AMN1: variants seen among roughly 807,000 people sequenced by gnomAD.
The protein encoded by AMN1 is protein AMN1 homolog.
AMN1 carries 20 observed loss-of-function variants against 33.0 expected under a neutral mutation model. The ratio of observed to expected loss-of-function variants is 0.61; its 90% CI spans 0.43 to 0.88. The LOEUF is 0.88. AMN1 is among the 40% of genes least tolerant of loss of function. The pLI is 0.00. For synonymous variants in AMN1, 114 were observed against 111.9 expected, an observed-to-expected ratio of 1.02 and a Z score of -0.12; for missense variants, 246 against 307.4, an observed-to-expected ratio of 0.80 and a Z score of 1.49.
chr12:31,717,177 C>G (rs1053729114), intron 1 of AMN1, among the ~76,000 whole-genome samples: 1 of 152,158 alleles, frequency 6.6e-6, no homozygotes, highest in African/African-American at 2.4e-5. Flanking sequence ...CATCATTCAG[C>G]TCCACTTATG....
chr12:31,678,202 C>T (rs970970760), intron 6 of AMN1, among the ~76,000 whole-genome samples: 6 of 152,088 alleles, frequency 3.9e-5, no homozygotes, highest in Non-Finnish European at 5.9e-5. Context: ...CCTCCCTTTT[C>T]GTATAGGACT....
In AMN1 at chr12:31,710,551, TACACAC is replaced by T. The variant is rs112841301; in HGVS notation, c.39-1132_39-1127del. Among the ~76,000 whole-genome samples the T allele has an allele frequency of 7.0e-3, 1,029 of 147,510 alleles. 12 individuals carry two copies. The highest frequency in any genetic ancestry group is 0.022 in the African/African-American group (899 of 40,128). On this transcript the variant is annotated intron_variant, in intron 1 of 6. Transcript: ENST00000281471. Reference sequence around the variant, plus strand: ...TCTTTCTTATTTTTCTCTGTTCTTGTACACACACACACACACACACACACACACACA... The same window carrying T: ...TCTTTCTTATTTTTCTCTGTTCTTGTACACACACACACACACACACACACA...
intron 1 of AMN1, among the ~76,000 whole-genome samples, chr12:31,721,779 A>G (rs529976854): frequency 6.6e-6 from 1 of 152,232 alleles, no homozygotes; most frequent in Admixed American, 6.5e-5. Context: ...TAGGACTGTG[A>G]ACTGTGAAAA....
intron 6 of AMN1, among the ~76,000 whole-genome samples, chr12:31,674,205 G>C (rs1951338088): frequency 6.6e-6 from 1 of 151,910 alleles, no homozygotes; most frequent in Non-Finnish European, 1.5e-5. Flanking sequence ...TCAGGAGTTT[G>C]AGACCAGCCT....
At chr12:31,691,805 T>C (rs576202851) in intron 5 of AMN1, among the ~76,000 whole-genome samples, 2 of 152,314 alleles carry the variant, frequency 1.3e-5, no homozygotes, top group East Asian at 1.9e-4. Context: ...TTTAGGATAG[T>C]GGTTACTTCT....
chr12:31,681,853 T>A (rs1592148637), intron 6 of AMN1, among the ~76,000 whole-genome samples: 1 of 152,272 alleles, frequency 6.6e-6, no homozygotes, highest in South Asian at 2.1e-4. Context: ...TTAAAACAAT[T>A]TTTTATAGAA....
intron 6 of AMN1, among the ~76,000 whole-genome samples, chr12:31,688,181 C>T (rs11051534): frequency 0.062 from 9,410 of 152,186 alleles, 561 homozygotes; most frequent in East Asian, 0.28. Flanking sequence ...CTCGAACTCC[C>T]AACCTCAGGT....
chr12:31,672,271 G>A lies in AMN1; in HGVS notation c.*33C>T, dbSNP rs1253575409. On this transcript the variant is annotated 3_prime_UTR_variant, in exon 7 of 7. Transcript: ENST00000281471. ...TTTCCTGGGAAAGTAGTTTTGATAA[G>A]CTTTCCTAGCATTGATCATCTTCAA... 16 of 1,487,080 alleles carry A rather than the reference G, an allele frequency of 1.1e-5. No individual in the cohort carries two copies. The highest frequency in any genetic ancestry group is 1.4e-5 in the Non-Finnish European group (15 of 1,086,486). The allele number at this position is 1,487,080 out of a possible 1,614,324, so 92.1% of individuals were successfully genotyped here.
chr12:31,678,711 T>G (rs1009612908), intron 6 of AMN1, among the ~76,000 whole-genome samples: 2 of 152,180 alleles, frequency 1.3e-5, no homozygotes, highest in African/African-American at 4.8e-5. Flanking sequence ...GAATACAAAC[T>G]TTTAACAAAG....
intron 2 of AMN1, among the ~76,000 whole-genome samples, chr12:31,703,444 CCCTTCCT>C (rs1939093558): frequency 1.3e-5 from 2 of 152,280 alleles, no homozygotes; most frequent in South Asian, 2.1e-4. Flanking sequence ...ATCCTTGCTT[CCCTTCCT>C]CCTTCCTCCC....
At chr12:31,682,936 G>A (rs1008602297) in intron 6 of AMN1, among the ~76,000 whole-genome samples, 4 of 151,000 alleles carry the variant, frequency 2.6e-5, no homozygotes, top group African/African-American at 9.7e-5. Context: ...AAAAATATAA[G>A]AAGTGATTTG....
chr12:31,697,283 A>T (rs1938770201), intron 5 of AMN1, 78 bp downstream of exon 5: 3 of 1,266,020 alleles, frequency 2.4e-6, no homozygotes, highest in Non-Finnish European at 3.4e-6. Flanking sequence ...AGCATTGGTT[A>T]TCCGCTAGGT....
chr12:31,701,777 C>A, intron 3 of AMN1, 86 bp downstream of exon 3: 1 of 1,151,342 alleles, frequency 8.7e-7, no homozygotes, highest in Non-Finnish European at 1.2e-6. Flanking sequence ...TTCATACTCT[C>A]TTTTGACGTA....
intron 1 of AMN1, chr12:31,719,446 TATACAC>T: frequency 3.8e-6 from 1 of 263,044 alleles, no homozygotes; most frequent in East Asian, 1.8e-4. Flanking sequence ...TATATACAAT[TATACAC>T]ATATAAAATT....
At position 31,697,856 on chromosome 12, in the gene AMN1, A is replaced by C; in HGVS notation, c.418T>G (p.Cys140Gly). 6.2e-7 allele frequency: 1 copy of C among 1,614,052 alleles called. No individual in the cohort carries two copies. ...DEGVVALALNCQLLKIIDLGG... is the reference protein window; with the variant it reads ...DEGVVALALNGQLLKIIDLGG... ...AAATCGATGATCTTTAGCAGCTGGCAATTGAGTGCAAGAGCAACGACTCCT... is the reference window on the plus strand; with the variant it reads ...AAATCGATGATCTTTAGCAGCTGGCCATTGAGTGCAAGAGCAACGACTCCT... The change falls in exon 4 of 7, where the codon TGC (cysteine) becomes GGC (glycine). Residue 140 changes from cysteine to glycine, a missense_variant. Physicochemically the swap from Cys to Gly is radical, Grantham distance 159. Coordinates refer to ENST00000281471, the MANE Select transcript of AMN1 (RefSeq NM_001113402.2).
chr12:31,716,041 C>T (rs918543235), intron 1 of AMN1, among the ~76,000 whole-genome samples: 1 of 152,154 alleles, frequency 6.6e-6, no homozygotes, highest in African/African-American at 2.4e-5. Flanking sequence ...AGTAATGTCT[C>T]TCTTTATCCG....
At chr12:31,727,069 G>A (rs1405305635) in intron 1 of AMN1, among the ~76,000 whole-genome samples, 1 of 151,988 alleles carries the variant, frequency 6.6e-6, no homozygotes, top group African/African-American at 2.4e-5. Context: ...TGCCTAGACT[G>A]GTCTCCAACT....
intron 3 of AMN1, 35 bp downstream of exon 3, chr12:31,701,828 T>C: frequency 6.5e-7 from 1 of 1,537,934 alleles, no homozygotes; most frequent in South Asian, 1.3e-5. Flanking sequence ...TAGTGAATAG[T>C]AATCTACCAA....
intron 1 of AMN1, among the ~76,000 whole-genome samples, chr12:31,724,200 C>A (rs1353702722): frequency 6.6e-6 from 1 of 152,050 alleles, no homozygotes; most frequent in Non-Finnish European, 1.5e-5. Flanking sequence ...AAGAGATGAA[C>A]AACAACAACA....
Sources: allele counts gnomAD v4.1 joint callset (sites outside exome capture counted in the v4.1 genomes callset), GRCh38; gene constraint gnomAD v4.1.1; transcripts MANE v1.5; gene names NCBI Gene and HGNC (gene_info 2026-07-23, HGNC 2026-07-21).